PPP1R12C: variants seen among roughly 807,000 people sequenced by gnomAD.
PPP1R12C encodes protein phosphatase 1 regulatory subunit 12C.
PPP1R12C carries 48 observed loss-of-function variants against 95.6 expected under a neutral mutation model. That is an observed-to-expected ratio of 0.50 (90% CI 0.40 to 0.64). The LOEUF is 0.64. Ranked by LOEUF, PPP1R12C falls within the 30% of genes least tolerant of loss-of-function variation. The pLI is 0.00. For missense variants in PPP1R12C, 1,057 were observed against 1,083.3 expected (o/e 0.98, Z 0.34); for synonymous variants, 480 against 460.8 (o/e 1.04, Z -0.53).
At chr19:55,097,533 CA>C (rs2084933770) in intron 6 of PPP1R12C, among the ~76,000 whole-genome samples, 2 of 23,304 alleles carry the variant, frequency 8.6e-5, no homozygotes. Context: ...CGCAGTTCAC[CA>C]CCGTCTTCGC....
At chr19:55,102,191 G>A (rs1283751383) in intron 4 of PPP1R12C, among the ~76,000 whole-genome samples, 1 of 152,190 alleles carries the variant, frequency 6.6e-6, no homozygotes, top group Non-Finnish European at 1.5e-5. Flanking sequence ...ATGACAGAAA[G>A]GGAATGTGTA....
intron 1 of PPP1R12C, chr19:55,115,193 T>C (rs2085140665): frequency 6.6e-6 from 1 of 152,222 alleles, no homozygotes; most frequent in Non-Finnish European, 1.5e-5. Context: ...GGTGAACACC[T>C]AGGACGCACC....
chr19:55,103,383 A>T, intron 4 of PPP1R12C, 26 bp downstream of exon 4: 1 of 1,443,948 alleles, frequency 6.9e-7, no homozygotes, highest in Non-Finnish European at 9.2e-7. Flanking sequence ...TAAGACAGCA[A>T]GATGGAACAG....
rs540022262 is a variant in PPP1R12C at position 55,093,055 on chromosome 19, C to T, written c.1786G>A (p.Val596Ile). 2 of 1,598,928 alleles carry T rather than the reference C, an allele frequency of 1.3e-6. No individual in the cohort carries two copies. Among genetic ancestry groups the T allele is most frequent in the East Asian group, 2.2e-5 (1 of 44,794 alleles). The change falls in exon 15 of 22, where the codon GTC (valine) becomes ATC (isoleucine). Residue 596 changes from valine (V) to isoleucine (I), a missense_variant. Physicochemically the swap from Val to Ile is conservative, Grantham distance 29 (BLOSUM62 3). Around this residue, in one of 5 missense-constraint regions of PPP1R12C, gnomAD observed 347 missense variants for 307.9 expected, o/e 1.13. Transcript: ENST00000263433. ...CTGTCAGAGTTCTCCACTCCAGGGACGCGGGGCCTTCGGGAAGGGTCCTGT... is the reference window on the plus strand; with the variant it reads ...CTGTCAGAGTTCTCCACTCCAGGGATGCGGGGCCTTCGGGAAGGGTCCTGT... ...QSLDPSRRPR[V>I]PGVENSDSPA...
chr19:55,095,971 G>A, intron 8 of PPP1R12C, 31 bp from the exon 9 acceptor site: 1 of 1,609,960 alleles, frequency 6.2e-7, no homozygotes, highest in Non-Finnish European at 8.5e-7. Context: ...GCAGGTCACA[G>A]AAGATGCCAG....
intron 1 of PPP1R12C, chr19:55,113,412 C>G: frequency 6.7e-7 from 1 of 1,492,370 alleles, no homozygotes; most frequent in South Asian, 1.3e-5. Flanking sequence ...GGGCCCCAGG[C>G]TGTCACACTC....
At chr19:55,092,391 G>A in intron 18 of PPP1R12C, 51 bp downstream of exon 18, 3 of 1,574,080 alleles carry the variant, frequency 1.9e-6, no homozygotes, top group Non-Finnish European at 2.6e-6. Flanking sequence ...GGGGAAGCCA[G>A]GAAGCTGGGC....
At chr19:55,110,631 G>A (rs1329764034) in intron 3 of PPP1R12C, among the ~76,000 whole-genome samples, 2 of 152,122 alleles carry the variant, frequency 1.3e-5, no homozygotes, top group East Asian at 3.8e-4. Flanking sequence ...CCAACACTTT[G>A]CGAGGCCGAG....
At chr19:55,103,962 C>T (rs1268490771) in intron 3 of PPP1R12C, among the ~76,000 whole-genome samples, 1 of 139,912 alleles carries the variant, frequency 7.1e-6, no homozygotes, top group Non-Finnish European at 1.5e-5. Context: ...CCAGCCTGGC[C>T]AACACAGTGA....
chr19:55,107,098 A>G (rs2085046292), intron 3 of PPP1R12C, among the ~76,000 whole-genome samples: 1 of 151,886 alleles, frequency 6.6e-6, no homozygotes. Flanking sequence ...TCAGCTACAT[A>G]AGGCCATAGA....
intron 13 of PPP1R12C, 42 bp from the exon 14 acceptor site, chr19:55,093,275 G>C (rs756581918): frequency 4.1e-5 from 64 of 1,574,936 alleles, no homozygotes; most frequent in Middle Eastern, 4.3e-4. Context: ...TGGGGTCAGG[G>C]CCCAGCCCCT....
At position 55,112,745 on chromosome 19, in the gene PPP1R12C, G is replaced by A. The variant is rs34521018; in HGVS notation, c.372C>T (p.Gly124=). The A allele has an allele frequency of 0.13, 212,521 of 1,613,380 alleles. 15,388 individuals carry two copies. Among genetic ancestry groups the A allele is most frequent in the South Asian group, 0.26 (24,100 of 91,054 alleles). The part of the protein sequence containing the change: ...LEVVRFLVEQ[G]ATVNQADNEG... ...CGTTGTCTGCCTGGTTCACAGTGGC[G>A]CCCTGCTCCACCAAGAAGCGCACCA... The change falls in exon 2 of 22, where the codon GGC becomes GGT. Residue 124 remains glycine, a synonymous_variant. Coordinates refer to ENST00000263433, the MANE Select transcript of PPP1R12C (RefSeq NM_017607.4).
In PPP1R12C at chr19:55,091,412, G is replaced by A; in HGVS notation, c.*60C>T. 1.3e-6 allele frequency: 2 copies of A among 1,492,142 alleles called. No homozygotes were observed. The highest frequency in any genetic ancestry group is 1.2e-5 in the South Asian group (1 of 85,906). 92.4% of individuals were successfully genotyped at this position (1,492,142 alleles called of 1,614,324 possible). A position where few individuals can be genotyped will look rare whatever the true frequency, so the allele number is the denominator to read the frequency against. On this transcript the variant is annotated 3_prime_UTR_variant, in exon 22 of 22. Transcript: ENST00000263433. ...CCCTGTCACTCGTGTTCACACGGGG[G>A]AAGGGGTGCGTGTGGCAGAAGCAGC...
intron 3 of PPP1R12C, among the ~76,000 whole-genome samples, chr19:55,106,074 T>A (rs2085035345): frequency 6.6e-6 from 1 of 152,192 alleles, no homozygotes; most frequent in Admixed American, 6.5e-5. Context: ...GGAACAGTCA[T>A]TCCCATTCAT....
Position 55,103,583 on chromosome 19 carries a change from G to A in PPP1R12C, c.572-15C>T. ...CACATCCACACCTAGGAGGATAAGA[G>A]GCACGAGGTAGGACTCACACCCCAT... On this transcript the variant is annotated splice_polypyrimidine_tract_variant and intron_variant, in intron 3 of 21. Coordinates refer to ENST00000263433, the MANE Select transcript of PPP1R12C (RefSeq NM_017607.4). 3 of 1,554,818 alleles carry A rather than the reference G, an allele frequency of 1.9e-6. No homozygotes were observed. Among genetic ancestry groups the A allele is most frequent in the East Asian group, 2.4e-5 (1 of 42,288 alleles).
intron 4 of PPP1R12C, among the ~76,000 whole-genome samples, chr19:55,099,815 G>T (rs990607196): frequency 6.6e-6 from 1 of 152,192 alleles, no homozygotes; most frequent in African/African-American, 2.4e-5. Context: ...CAAAGGCAGG[G>T]TTACAAGTCC....
intron 8 of PPP1R12C, 27 bp downstream of exon 8, chr19:55,096,024 C>G (rs1269865774): frequency 6.2e-7 from 1 of 1,608,674 alleles, no homozygotes; most frequent in South Asian, 1.1e-5. Flanking sequence ...TCCCTCGGAC[C>G]CAGGAGTCCA....
Position 55,109,876 on chromosome 19 carries a change from T to C in PPP1R12C, c.571+2591A>G. 6.6e-6 allele frequency among the ~76,000 whole-genome samples: 1 copy of C among 152,226 alleles called. No homozygotes were observed. Among genetic ancestry groups the C allele is most frequent in the Admixed American group, 6.5e-5 (1 of 15,292 alleles). The stretch of plus-strand genomic sequence containing the variant: ...GGGTGTCACAGGGTGTCACAGGCAG[T>C]CGCCTTGTGATTTGGGGCCGCAGAG... On this transcript the variant is annotated intron_variant, in intron 3 of 21. Transcript: ENST00000263433. The surrounding 1 kb of genome is among the most constrained non-coding windows in gnomAD (Gnocchi z 4.4).
At chr19:55,103,789 T>C (rs1224772542) in intron 3 of PPP1R12C, among the ~76,000 whole-genome samples, 1 of 152,056 alleles carries the variant, frequency 6.6e-6, no homozygotes, top group East Asian at 1.9e-4. Flanking sequence ...CGCTAAGCAC[T>C]GGGAAAACGG....
Sources: allele counts gnomAD v4.1 joint callset (sites outside exome capture counted in the v4.1 genomes callset), GRCh38; gene constraint gnomAD v4.1.1; regional missense constraint gnomAD v4.1.1; non-coding constraint Gnocchi (gnomAD v3.1); transcripts MANE v1.5; gene names NCBI Gene and HGNC (gene_info 2026-07-23, HGNC 2026-07-21).